Variants in DNAH8 observed in about 807,000 individuals in gnomAD.
DNAH8 encodes axonemal beta dynein heavy chain 8.
Under a neutral mutation model 562.1 loss-of-function variants are expected in DNAH8, and 382 were observed. That is an observed-to-expected ratio of 0.68 (90% confidence interval 0.63 to 0.74). The LOEUF is 0.74. Ranked by LOEUF, DNAH8 falls within the 30% of genes least tolerant of loss-of-function variation. DNAH8 has a pLI of 0.00. For synonymous variants in DNAH8, 1,881 were observed against 1,919.4 expected, an observed-to-expected ratio of 0.98 and a Z score of 0.52; for missense variants, 5,203 against 5,620.4, an observed-to-expected ratio of 0.93 and a Z score of 2.37.
At position 38,914,392 on chromosome 6, in the gene DNAH8, CTTTTTTTTTTT is replaced by C. The variant is rs66765653; in HGVS notation, c.9963+456_9963+466del. Reference sequence around the variant, plus strand: ...GGTATATATGTGTGCTGCTTTTTCTCTTTTTTTTTTTTTTTTTTTTTTTTTTGAGACAGAGT... The same window carrying C: ...GGTATATATGTGTGCTGCTTTTTCTCTTTTTTTTTTTTTTTGAGACAGAGT... On this transcript the variant is annotated intron_variant, in intron 67 of 92. Transcript: ENST00000327475. 5.2e-4 allele frequency among the ~76,000 whole-genome samples: 33 copies of C among 63,990 alleles called. 1 individual carries two copies. In the East Asian group the frequency reaches 6.8e-3, roughly 13 times the overall value. The allele number at this position is 63,990 out of a possible 152,430, so 42.0% of individuals were successfully genotyped here.
intron 70 of DNAH8, among the ~76,000 whole-genome samples, chr6:38,918,936 T>A (rs1327729195): frequency 6.6e-6 from 1 of 152,076 alleles, no homozygotes. Context: ...AGTGGCTGCC[T>A]CCTTTAAAAC....
At position 38,865,098 on chromosome 6, in the gene DNAH8, G is replaced by C. The variant is rs926692004; in HGVS notation, c.6498+1038G>C. 2.0e-5 allele frequency among the ~76,000 whole-genome samples: 3 copies of C among 152,160 alleles called. No individual in the cohort carries two copies. The South Asian group carries it at 6.2e-4, about 31-fold the overall frequency. On this transcript the variant is annotated intron_variant, in intron 45 of 92. Coordinates refer to ENST00000327475, the MANE Select transcript of DNAH8 (RefSeq NM_001206927.2). ...GGAAACCAAAGGCATGAATAAACGG[G>C]AGTTTTTATGCTTTTATGTATCACC...
chr6:38,904,826 A>G (rs1780332968), intron 62 of DNAH8, among the ~76,000 whole-genome samples: 1 of 151,936 alleles, frequency 6.6e-6, no homozygotes, highest in African/African-American at 2.4e-5. Flanking sequence ...AGAATCTGAA[A>G]ATGTTAAGAC....
chr6:38,907,961 C>T lies in DNAH8; in HGVS notation c.9354C>T (p.Ser3118=). 6.3e-7 allele frequency: 1 copy of T among 1,595,582 alleles called. No homozygotes were observed. The highest frequency in any genetic ancestry group is 8.5e-7 in the Non-Finnish European group (1 of 1,172,796). The change falls in exon 64 of 93, where the codon TCC becomes TCT. Residue 3118 remains serine (S), a synonymous_variant. Transcript: ENST00000327475. ...LNNLLSSGEI[S]NLFARDEMDE... ...TCCTTGTCCATTCCTTAAAGATCTC[C>T]AACTTGTTTGCACGAGATGAGATGG...
intron 79 of DNAH8, among the ~76,000 whole-genome samples, chr6:38,941,458 T>C (rs1001272225): frequency 1.3e-5 from 2 of 152,262 alleles, no homozygotes; most frequent in Non-Finnish European, 2.9e-5. Flanking sequence ...ACAGGTTTTA[T>C]TTCTGGTAGT....
intron 1 of DNAH8, among the ~76,000 whole-genome samples, chr6:38,722,043 T>A (rs1465991545): frequency 6.6e-6 from 1 of 152,206 alleles, no homozygotes. Context: ...ACATCTCCTT[T>A]TCCACTGGCG....
chr6:38,778,485 A>G (rs200675401), intron 14 of DNAH8, 21 bp downstream of exon 14: 111 of 1,434,466 alleles, frequency 7.7e-5, no homozygotes, highest in Middle Eastern at 5.3e-4. Flanking sequence ...CACTTTAAGC[A>G]GAGTAGTTTC....
intron 68 of DNAH8, among the ~76,000 whole-genome samples, chr6:38,915,655 G>T (rs955441686): frequency 1.3e-5 from 2 of 152,064 alleles, no homozygotes; most frequent in African/African-American, 2.4e-5. Flanking sequence ...TTCAGATTAC[G>T]CAGAGAGCCT....
chr6:39,026,091 C>T (rs377534140), intron 91 of DNAH8, among the ~76,000 whole-genome samples: 2 of 152,174 alleles, frequency 1.3e-5, no homozygotes, highest in Non-Finnish European at 2.9e-5. Flanking sequence ...CCTTATTTCC[C>T]TAGACTAAAT....
chr6:38,875,933 A>G (rs1443461612), intron 53 of DNAH8, 105 bp downstream of exon 53: 1 of 734,468 alleles, frequency 1.4e-6, no homozygotes, highest in Non-Finnish European at 2.2e-6. Flanking sequence ...AATTATGAAA[A>G]CATAATTGTT....
intron 76 of DNAH8, 53 bp from the exon 77 acceptor site, chr6:38,935,539 T>G: frequency 1.5e-6 from 2 of 1,297,882 alleles, no homozygotes; most frequent in Non-Finnish European, 2.2e-6. Flanking sequence ...TTGGGTTTAC[T>G]GTAATAACTG....
rs1770803890 is a variant in DNAH8 at position 38,801,852 on chromosome 6, G to A, written c.2902-1327G>A. Among the ~76,000 whole-genome samples the A allele has an allele frequency of 2.6e-5, 4 of 152,322 alleles. No individual in the cohort carries two copies. The South Asian group carries it at 8.3e-4, about 32-fold the overall frequency. ...TGGGGGCAAAACATGGGGAATATGGGACTTCCCAAGGCTTTTCTGGAGAGA... is the reference window on the plus strand; with the variant it reads ...TGGGGGCAAAACATGGGGAATATGGAACTTCCCAAGGCTTTTCTGGAGAGA... On this transcript the variant is annotated intron_variant, in intron 21 of 92. Coordinates refer to ENST00000327475, the MANE Select transcript of DNAH8 (RefSeq NM_001206927.2).
chr6:38,735,573 C>T (rs1325394213), intron 5 of DNAH8, among the ~76,000 whole-genome samples: 2 of 152,118 alleles, frequency 1.3e-5, no homozygotes, highest in Non-Finnish European at 2.9e-5. Flanking sequence ...ATGGATGTTT[C>T]CTCAATCTGC....
rs142863013 is a variant in DNAH8, at chr6:38,734,588, G to A, written c.725G>A (p.Arg242His). 2.9e-4 allele frequency: 474 copies of A among 1,613,482 alleles called. 1 individual carries two copies. Among genetic ancestry groups the A allele is most frequent in the East Asian group, 2.6e-3 (117 of 44,844 alleles). ...KGLCIFFVRC[R>H]NDVAINVKTI... The stretch of plus-strand genomic sequence containing the variant: ...CTGTGCATATTTTTTGTTCGTTGCC[G>A]TAATGATGTTGCTATAAATGTTAAA... The change falls in exon 5 of 93, where the codon CGT becomes CAT. Residue 242 changes from arginine to histidine, a missense_variant. Coordinates refer to ENST00000327475, the MANE Select transcript of DNAH8 (RefSeq NM_001206927.2).
intron 29 of DNAH8, among the ~76,000 whole-genome samples, chr6:38,827,701 C>T (rs899895263): frequency 3.8e-5 from 5 of 132,486 alleles, no homozygotes; most frequent in Non-Finnish European, 7.7e-5. Flanking sequence ...ATCAAATTTT[C>T]CCTGACTGCA....
intron 21 of DNAH8, among the ~76,000 whole-genome samples, chr6:38,797,507 CTCTCCCTT>C (rs1412294613): frequency 2.6e-5 from 4 of 152,176 alleles, no homozygotes; most frequent in Non-Finnish European, 4.4e-5. Flanking sequence ...CTCTCTCCCT[CTCTCCCTT>C]TCCCCTCCCC....
chr6:38,741,772 T>C lies in DNAH8; in HGVS notation c.1178T>C (p.Leu393Ser). The C allele has an allele frequency of 1.2e-6, 2 of 1,614,084 alleles. No individual in the cohort carries two copies. The highest frequency in any genetic ancestry group is 1.7e-6 in the Non-Finnish European group (2 of 1,179,960). The change falls in exon 8 of 93, where the codon TTG becomes TCG. Residue 393 changes from leucine to serine, a missense_variant. Coordinates refer to ENST00000327475, the MANE Select transcript of DNAH8 (RefSeq NM_001206927.2). The part of the protein sequence containing the change: ...EAGDSGPLTE[L>S]EHWKRMSAKF... ...GGTGATTCAGGTCCACTCACTGAAT[T>C]GGAACACTGGAAACGCATGTCAGCC...
chr6:38,791,523 G>GTT, intron 20 of DNAH8, 32 bp from the exon 21 acceptor site: 2 of 1,568,872 alleles, frequency 1.3e-6, no homozygotes, highest in South Asian at 1.2e-5. Context: ...GGAAAGAAGA[G>GTT]TTTTTTTTTC....
At chr6:38,773,080 G>T (rs1432305795) in intron 12 of DNAH8, among the ~76,000 whole-genome samples, 1 of 143,904 alleles carries the variant, frequency 6.9e-6, no homozygotes, top group Non-Finnish European at 1.5e-5. Context: ...GCCTCCCAAA[G>T]TGCTGGAATT....
Sources: allele counts gnomAD v4.1 joint callset (sites outside exome capture counted in the v4.1 genomes callset), GRCh38; gene constraint gnomAD v4.1.1; transcripts MANE v1.5; gene names NCBI Gene and HGNC (gene_info 2026-07-23, HGNC 2026-07-21).